BMX: variants seen among roughly 807,000 people sequenced by gnomAD.
BMX encodes cytoplasmic tyrosine-protein kinase BMX.
BMX carries 31 observed loss-of-function variants against 59.2 expected under a neutral mutation model. The observed-to-expected ratio is 0.52, with a 90% CI of 0.39 to 0.71. The LOEUF is 0.71. Ranked by LOEUF, BMX falls within the 30% of genes least tolerant of loss-of-function variation. The pLI is 0.00. For synonymous variants in BMX, 185 were observed against 181.0 expected (o/e 1.02, Z -0.18); for missense variants, 474 against 491.7 (o/e 0.96, Z 0.34).
At chrX:15,515,159 G>C (rs1399702010) in intron 4 of BMX, among the ~76,000 whole-genome samples, 1 of 107,966 alleles carries the variant, frequency 9.3e-6, no homozygotes. Context: ...TGGGGGATGA[G>C]GGGCAAGGGG....
intron 12 of BMX, 84 bp downstream of exon 12, chrX:15,534,423 T>A: frequency 1.1e-6 from 1 of 886,873 alleles, no homozygotes; most frequent in Non-Finnish European, 1.5e-6. Context: ...CTAATATTCT[T>A]AATTATATAG....
intron 18 of BMX, among the ~76,000 whole-genome samples, chrX:15,553,585 A>G (rs1926295998): frequency 1.8e-5 from 2 of 111,862 alleles, no homozygotes; most frequent in Admixed American, 1.9e-4. Flanking sequence ...TAGGTGACAA[A>G]TTGACATTGA....
chrX:15,518,930 A>C (rs1924301632), intron 6 of BMX, among the ~76,000 whole-genome samples: 1 of 112,035 alleles, frequency 8.9e-6, no homozygotes. Context: ...TTCAGCCCTC[A>C]ATCTTTCAAG....
At chrX:15,534,007 G>A (rs898853172) in intron 11 of BMX, among the ~76,000 whole-genome samples, 5 of 111,451 alleles carry the variant, frequency 4.5e-5, no homozygotes, top group African/African-American at 1.6e-4. Context: ...GATACATTGA[G>A]TTCAGAGAAG....
intron 18 of BMX, among the ~76,000 whole-genome samples, chrX:15,552,215 A>G (rs16979971): frequency 0.018 from 1,992 of 112,484 alleles, 45 homozygotes; most frequent in African/African-American, 0.061. Context: ...TTTCTGTATC[A>G]GGTACTACAT....
chrX:15,532,324 T>C (rs897631384), intron 11 of BMX, among the ~76,000 whole-genome samples: 2 of 111,117 alleles, frequency 1.8e-5, no homozygotes, highest in Non-Finnish European at 3.8e-5. Context: ...TAGCTCTTTT[T>C]TTTTCCTTCT....
At chrX:15,536,549 G>A (rs1601654878) in intron 13 of BMX, 122 bp downstream of exon 13, 1 of 519,953 alleles carries the variant, frequency 1.9e-6, no homozygotes, top group Non-Finnish European at 2.9e-6. Flanking sequence ...CCTCTGTTCA[G>A]ATTGTATCAG....
chrX:15,549,715 A>G, intron 17 of BMX, 125 bp from the exon 18 acceptor site: 4 of 776,743 alleles, frequency 5.1e-6, no homozygotes, highest in Middle Eastern at 4.2e-4. Context: ...CTCATTTCCC[A>G]GGGATCCCTC....
At chrX:15,549,717 G>C (rs1460279382) in intron 17 of BMX, 123 bp from the exon 18 acceptor site, 11 of 787,195 alleles carry the variant, frequency 1.4e-5, no homozygotes, top group Non-Finnish European at 1.8e-5. Context: ...CATTTCCCAG[G>C]GATCCCTCAC....
intron 17 of BMX, among the ~76,000 whole-genome samples, chrX:15,548,214 C>A (rs1235499087): frequency 9.0e-6 from 1 of 111,476 alleles, no homozygotes; most frequent in East Asian, 2.8e-4. Flanking sequence ...CCCAGCACTT[C>A]GAGAGGCTGA....
chrX:15,509,470 T>C, intron 3 of BMX, 37 bp downstream of exon 3: 2 of 959,378 alleles, frequency 2.1e-6, no homozygotes, highest in Non-Finnish European at 2.9e-6. Context: ...GGTGGATAGT[T>C]CTTCCTTCAA....
intron 6 of BMX, among the ~76,000 whole-genome samples, chrX:15,518,807 T>A (rs1273964129): frequency 1.7e-4 from 19 of 111,396 alleles, no homozygotes; most frequent in African/African-American, 6.2e-4. Flanking sequence ...GGAGTGAGTT[T>A]TCCAGCACTG....
rs1307352487 is a variant in BMX at position 15,500,913 on chromosome X, C to G, written c.-37C>G. ...CAGCAGACCAAGCACCGCGGCGGAC[C>G]CAGGCAAGCACGGAACAAGCTGAGA... On this transcript the variant is annotated 5_prime_UTR_variant, in exon 1 of 19. Coordinates refer to ENST00000348343, the MANE Select transcript of BMX (RefSeq NM_203281.3). The G allele has an allele frequency of 4.0e-6, 3 of 752,296 alleles. No individual in the cohort carries two copies. The highest frequency in any genetic ancestry group is 2.3e-5 in the African/African-American group (1 of 43,045). The allele number at this position is 752,296 out of a possible 1,213,427, so 62.0% of individuals were successfully genotyped here.
chrX:15,549,419 G>A (rs902522632), intron 17 of BMX, among the ~76,000 whole-genome samples: 4 of 112,034 alleles, frequency 3.6e-5, no homozygotes, highest in Admixed American at 9.5e-5. Context: ...AGCTGCCAAA[G>A]CCGAGAGACG....
At chrX:15,512,890 A>G (rs1478542820) in intron 4 of BMX, among the ~76,000 whole-genome samples, 1 of 111,728 alleles carries the variant, frequency 9.0e-6, no homozygotes, top group East Asian at 2.8e-4. Flanking sequence ...TCCTATGTAC[A>G]GCTCTTGGTC....
chrX:15,507,751 G>A (rs749988508), intron 1 of BMX, among the ~76,000 whole-genome samples: 6 of 111,551 alleles, frequency 5.4e-5, no homozygotes, highest in Admixed American at 9.5e-5. Flanking sequence ...ATCTGTTAGT[G>A]CACCCTCATA....
intron 1 of BMX, among the ~76,000 whole-genome samples, chrX:15,505,343 T>C: frequency 8.9e-6 from 1 of 111,891 alleles, no homozygotes; most frequent in Non-Finnish European, 1.9e-5. Context: ...TCAAGACTGT[T>C]AGGAAGCCTC....
chrX:15,516,825 G>A (rs1386494416), intron 5 of BMX, among the ~76,000 whole-genome samples: 3 of 111,426 alleles, frequency 2.7e-5, no homozygotes, highest in Non-Finnish European at 5.7e-5. Context: ...GCTGCTTTAC[G>A]TGAAATCAGA....
chrX:15,531,284 A>C, intron 10 of BMX, 44 bp from the exon 11 acceptor site: 1 of 1,070,854 alleles, frequency 9.3e-7, no homozygotes, highest in Non-Finnish European at 1.3e-6. Flanking sequence ...TTCAAGAATG[A>C]TGAAAATATT....
Sources: allele counts gnomAD v4.1 joint callset (sites outside exome capture counted in the v4.1 genomes callset), GRCh38; gene constraint gnomAD v4.1.1; transcripts MANE v1.5; gene names NCBI Gene and HGNC (gene_info 2026-07-23, HGNC 2026-07-21).